The following FMN1 variants were observed in gnomAD, a reference collection of about 807,000 sequenced individuals.
The protein encoded by FMN1 is formin-1.
A neutral mutation model predicts 132.4 loss-of-function variants in FMN1; 110 were observed. The observed-to-expected ratio is 0.83, with a 90% confidence interval of 0.71 to 0.97. The LOEUF (loss-of-function observed/expected upper bound fraction) is 0.97. Ranked by LOEUF, FMN1 falls within the 50% of genes least tolerant of loss-of-function variation. The probability of loss-of-function intolerance (pLI) is 0.00; values close to 1 mark genes in which losing one functional copy is unlikely to be tolerated. For synonymous variants in FMN1, 722 were observed against 651.7 expected (o/e 1.11, Z -1.64); for missense variants, 1,792 against 1,705.3 (o/e 1.05, Z -0.90).
At chr15:32,995,302 T>A (rs966556581) in intron 7 of FMN1, among the ~76,000 whole-genome samples, 5 of 152,124 alleles carry the variant, frequency 3.3e-5, no homozygotes, top group African/African-American at 1.2e-4. Flanking sequence ...TTGGAAAGAA[T>A]CTTAGTTGAG....
At chr15:33,128,695 A>C (rs1002514451) in intron 4 of FMN1, among the ~76,000 whole-genome samples, 1 of 152,170 alleles carries the variant, frequency 6.6e-6, no homozygotes, top group East Asian at 1.9e-4. Context: ...TTCACGAATA[A>C]ACCCGCGGAC....
At chr15:33,167,775 A>G (rs1200834535) in intron 3 of FMN1, among the ~76,000 whole-genome samples, 1 of 152,252 alleles carries the variant, frequency 6.6e-6, no homozygotes, top group Non-Finnish European at 1.5e-5. Context: ...GTCATTAAGA[A>G]AATCACAAGG....
intron 9 of FMN1, among the ~76,000 whole-genome samples, chr15:32,930,829 C>T (rs2061097175): frequency 6.6e-6 from 1 of 152,050 alleles, no homozygotes; most frequent in South Asian, 2.1e-4. Context: ...TTTCAAGTCT[C>T]ACATTTAAGT....
intron 6 of FMN1, among the ~76,000 whole-genome samples, chr15:33,027,574 G>T (rs555319053): frequency 6.3e-5 from 9 of 141,854 alleles, no homozygotes; most frequent in African/African-American, 2.3e-4. Flanking sequence ...TCAGTTTAAC[G>T]TGCCCTTTTC....
chr15:33,128,834 A>AC (rs1963395330), intron 4 of FMN1, among the ~76,000 whole-genome samples: 1 of 152,190 alleles, frequency 6.6e-6, no homozygotes, highest in African/African-American at 2.4e-5. Flanking sequence ...AGCCTCCGCA[A>AC]TGCGGAAGAC....
Position 32,767,006 on chromosome 15 carries a change from G to A in FMN1, c.*7304C>T, listed in dbSNP as rs916706847. Reference sequence around the variant, plus strand: ...GAGCTGTTAAACCAAGCACAGACCAGTTTCACTGGGGTACCTGCTTTCCCA... The same window carrying A: ...GAGCTGTTAAACCAAGCACAGACCAATTTCACTGGGGTACCTGCTTTCCCA... On this transcript the variant is annotated 3_prime_UTR_variant, in exon 21 of 21. Transcript: ENST00000616417. 2.6e-5 allele frequency: 4 copies of A among 152,228 alleles called. No homozygotes were observed. Among genetic ancestry groups the A allele is most frequent in the Admixed American group, 1.3e-4 (2 of 15,284 alleles). 9.4% of individuals were successfully genotyped at this position (152,228 alleles called of 1,614,324 possible). A position where few individuals can be genotyped will look rare whatever the true frequency, so the allele number is the denominator to read the frequency against.
intron 18 of FMN1, among the ~76,000 whole-genome samples, chr15:32,803,307 T>C (rs146300094): frequency 1.3e-5 from 2 of 152,282 alleles, no homozygotes; most frequent in Non-Finnish European, 2.9e-5. Flanking sequence ...ATTTCAGCCC[T>C]AAATATGAGA....
At chr15:32,811,198 A>G in intron 17 of FMN1, 1 of 409,386 alleles carries the variant, frequency 2.4e-6, no homozygotes. Flanking sequence ...TCCTTCTGGT[A>G]TGCTTGCCCA....
rs576024838 is a variant in FMN1, at chr15:33,084,688, A to G, written c.2043+4111T>C. 1.5e-4 allele frequency among the ~76,000 whole-genome samples: 23 copies of G among 152,232 alleles called. No homozygotes were observed. In the South Asian group the frequency reaches 2.1e-3, roughly 14 times the overall value. On this transcript the variant is annotated intron_variant, in intron 5 of 20. Transcript: ENST00000616417. ...AAATAGATGCCCCCAGAGTCTTCCT[A>G]GTGCTTGTCCTACACCAACCCCACC...
chr15:32,991,194 G>A (rs951879521), intron 7 of FMN1, among the ~76,000 whole-genome samples: 4 of 152,074 alleles, frequency 2.6e-5, no homozygotes, highest in Admixed American at 1.3e-4. Flanking sequence ...TTTTCTCTCG[G>A]TTTCAGAAGA....
chr15:32,877,052 A>C (rs911436306), intron 16 of FMN1, among the ~76,000 whole-genome samples: 2 of 152,162 alleles, frequency 1.3e-5, no homozygotes, highest in Admixed American at 1.3e-4. Flanking sequence ...TTGGGATGCC[A>C]AGGCAGGTGG....
At chr15:33,097,439 G>A (rs1292585457) in intron 4 of FMN1, among the ~76,000 whole-genome samples, 2 of 152,052 alleles carry the variant, frequency 1.3e-5, no homozygotes. Context: ...TGACTCCCCA[G>A]CAGGATAAAT....
chr15:33,087,650 A>G (rs1361781315), intron 5 of FMN1, among the ~76,000 whole-genome samples: 1 of 152,226 alleles, frequency 6.6e-6, no homozygotes, highest in Admixed American at 6.5e-5. Flanking sequence ...ACTACTGGGT[A>G]TCTACCCAGA....
intron 16 of FMN1, among the ~76,000 whole-genome samples, chr15:32,880,049 A>G (rs2059728631): frequency 7.4e-6 from 1 of 135,406 alleles, no homozygotes; most frequent in South Asian, 2.3e-4. Flanking sequence ...ACAAGCTTCT[A>G]TTGTTTTTTT....
rs150027154 is a variant in FMN1 at position 32,837,274 on chromosome 15, TCTA to T, written c.3928+19738_3928+19740del. 4.4e-3 allele frequency: 941 copies of T among 215,756 alleles called. 8 individuals are homozygous for T. The highest frequency in any genetic ancestry group is 0.015 in the African/African-American group (632 of 43,258). 13.4% of individuals were successfully genotyped at this position (215,756 alleles called of 1,614,324 possible). A position where few individuals can be genotyped will look rare whatever the true frequency, so the allele number is the denominator to read the frequency against. ...ATGCTGCTCTCGGAGAAGTCAAACT[TCTA>T]CTCTTTGTTCAAAGGTGTGGTGTGG... On this transcript the variant is annotated intron_variant, in intron 17 of 20. Transcript: ENST00000616417.
intron 17 of FMN1, among the ~76,000 whole-genome samples, chr15:32,833,598 G>C (rs547050726): frequency 3.4e-4 from 52 of 152,232 alleles, no homozygotes; most frequent in Middle Eastern, 6.8e-3. Context: ...ATGGTTTAAT[G>C]GACATTTAGC....
intron 5 of FMN1, chr15:33,067,775 G>C (rs111822533): frequency 6.2e-7 from 1 of 1,613,940 alleles, no homozygotes; most frequent in Non-Finnish European, 8.5e-7. Flanking sequence ...CCCAAATAGG[G>C]ATTTCATAGA....
chr15:32,795,328 T>A (rs993325004), intron 19 of FMN1, among the ~76,000 whole-genome samples: 1 of 152,222 alleles, frequency 6.6e-6, no homozygotes, highest in Non-Finnish European at 1.5e-5. Context: ...CCAACTCACC[T>A]GCAAGTCCTT....
At chr15:33,165,685 C>T (rs1048132507) in intron 3 of FMN1, among the ~76,000 whole-genome samples, 1 of 152,138 alleles carries the variant, frequency 6.6e-6, no homozygotes, top group Non-Finnish European at 1.5e-5. Flanking sequence ...GCCACCGCAC[C>T]TGGCCGGTTT....
Sources: allele counts gnomAD v4.1 joint callset (sites outside exome capture counted in the v4.1 genomes callset), GRCh38; gene constraint gnomAD v4.1.1; transcripts MANE v1.5; gene names NCBI Gene and HGNC (gene_info 2026-07-23, HGNC 2026-07-21).